The following MYO18B variants were observed in gnomAD, a reference collection of about 807,000 sequenced individuals.
MYO18B encodes the protein unconventional myosin-XVIIIb.
Under a neutral mutation model 273.0 loss-of-function variants are expected in MYO18B, and 204 were observed. The ratio of observed to expected loss-of-function variants is 0.75; its 90% CI spans 0.67 to 0.84. MYO18B has a LOEUF of 0.84. MYO18B is among the 40% of genes least tolerant of loss of function. The pLI, the probability that MYO18B is intolerant of heterozygous loss-of-function variation, is 0.00. For synonymous variants in MYO18B, 1,330 were observed against 1,305.7 expected, an observed-to-expected ratio of 1.02 and a Z score of -0.40; for missense variants, 3,212 against 3,287.6, an observed-to-expected ratio of 0.98 and a Z score of 0.56.
the MYO18B span, among the ~76,000 whole-genome samples, chr22:26,042,495 T>C: frequency 3.3e-5 from 5 of 152,236 alleles, no homozygotes; most frequent in Non-Finnish European, 5.9e-5. Context: ...ATTTACATCT[T>C]CTTTTCTAAA....
At chr22:25,820,696 A>C (rs1236819402) in intron 12 of MYO18B, among the ~76,000 whole-genome samples, 1 of 152,108 alleles carries the variant, frequency 6.6e-6, no homozygotes, top group East Asian at 1.9e-4. Flanking sequence ...TCCTCCTTCT[A>C]GCTATTTGAA....
intron 40 of MYO18B, among the ~76,000 whole-genome samples, chr22:25,994,033 A>C (rs2146859206): frequency 6.6e-6 from 1 of 152,222 alleles, no homozygotes; most frequent in Admixed American, 6.5e-5. Context: ...CCATACACCT[A>C]ATTTTAGAAT....
chr22:25,753,192 T>G (rs1269233857), intron 1 of MYO18B, among the ~76,000 whole-genome samples: 1 of 151,612 alleles, frequency 6.6e-6, no homozygotes, highest in African/African-American at 2.4e-5. Context: ...CAGCGCAAGA[T>G]CCACAAGGCG....
intron 31 of MYO18B, 83 bp from the exon 32 acceptor site, chr22:25,908,239 C>A: frequency 2.8e-6 from 3 of 1,074,786 alleles, no homozygotes; most frequent in South Asian, 1.4e-5. Context: ...ATGAGAAATG[C>A]AATTGGAATG....
intron 21 of MYO18B, among the ~76,000 whole-genome samples, chr22:25,866,961 G>T (rs566498268): frequency 2.6e-5 from 4 of 152,206 alleles, no homozygotes; most frequent in African/African-American, 9.6e-5. Flanking sequence ...GCATAGAGCG[G>T]GGAGGCTATC....
chr22:25,891,889 G>A (rs909543371), intron 27 of MYO18B, among the ~76,000 whole-genome samples: 2 of 152,100 alleles, frequency 1.3e-5, no homozygotes, highest in Non-Finnish European at 2.9e-5. Flanking sequence ...TTAGCCTGGT[G>A]TGGTGGCATG....
chr22:25,868,271 A>G (rs1431721241), intron 21 of MYO18B, 49 bp from the exon 22 acceptor site: 1 of 1,503,450 alleles, frequency 6.7e-7, no homozygotes, highest in East Asian at 2.4e-5. Context: ...CCCCTTTAGG[A>G]TCCTCCTACC....
intron 40 of MYO18B, among the ~76,000 whole-genome samples, chr22:26,000,073 C>G (rs1406111529): frequency 1.3e-5 from 2 of 152,246 alleles, no homozygotes; most frequent in Non-Finnish European, 2.9e-5. Flanking sequence ...GACAGGTCAT[C>G]TGCCCTTTGG....
intron 12 of MYO18B, among the ~76,000 whole-genome samples, chr22:25,809,733 C>T (rs2088650134): frequency 6.6e-6 from 1 of 152,094 alleles, no homozygotes; most frequent in South Asian, 2.1e-4. Flanking sequence ...CAGTCCCACA[C>T]AGAACTGGGA....
At chr22:25,810,315 G>C (rs1276886576) in intron 12 of MYO18B, among the ~76,000 whole-genome samples, 1 of 150,350 alleles carries the variant, frequency 6.7e-6, no homozygotes, top group Non-Finnish European at 1.5e-5. Flanking sequence ...AGCCAGGATG[G>C]TCTCGAGCTC....
chr22:25,862,378 A>T (rs887149087), intron 21 of MYO18B, among the ~76,000 whole-genome samples: 1 of 152,102 alleles, frequency 6.6e-6, no homozygotes, highest in Admixed American at 6.5e-5. Context: ...AAAAATGAAG[A>T]TTTTTACATT....
At chr22:25,747,126 A>C (rs1052273749) in intron 1 of MYO18B, among the ~76,000 whole-genome samples, 1 of 152,178 alleles carries the variant, frequency 6.6e-6, no homozygotes, top group Non-Finnish European at 1.5e-5. Flanking sequence ...CGCTTCAAAA[A>C]AAGAAAGAAA....
chr22:26,035,333 C>G (rs975518021), downstream of MYO18B, among the ~76,000 whole-genome samples: 1 of 152,194 alleles, frequency 6.6e-6, no homozygotes, highest in African/African-American at 2.4e-5. Context: ...GGAATTCCCC[C>G]AGATTGAGAG....
At chr22:25,916,175 A>G (rs1324900950) in intron 33 of MYO18B, among the ~76,000 whole-genome samples, 2 of 152,164 alleles carry the variant, frequency 1.3e-5, no homozygotes, top group South Asian at 2.1e-4. Context: ...ATTCTACTGT[A>G]TCAGATTATT....
chr22:25,970,058 C>G (rs1014398846), intron 39 of MYO18B, among the ~76,000 whole-genome samples: 9 of 152,066 alleles, frequency 5.9e-5, no homozygotes, highest in African/African-American at 1.9e-4. Context: ...TTACCACAAC[C>G]ATTACCATCA....
In MYO18B at chr22:25,798,023, CAGAG is replaced by C. The variant is rs749808409; in HGVS notation, c.2450_2453del (p.Glu817AlafsTer30). 2 of 1,613,730 alleles carry C rather than the reference CAGAG, an allele frequency of 1.2e-6. No individual in the cohort carries two copies. Among genetic ancestry groups the C allele is most frequent in the Non-Finnish European group, 1.7e-6 (2 of 1,179,650 alleles). Reference sequence around the variant, plus strand: ...GGTGCCATGGAGATGCTCGGCATCTCAGAGAGCGAGCAGCGGGCTGTTTGGCGGG... The same window carrying C: ...GGTGCCATGGAGATGCTCGGCATCTCAGCGAGCAGCGGGCTGTTTGGCGGG... On this transcript the variant is annotated frameshift_variant, in exon 12 of 44. Transcript: ENST00000335473. LOFTEE classifies it high-confidence loss of function.
At chr22:26,032,517 GTTTTTTTTT>G (rs869157490), downstream of MYO18B, among the ~76,000 whole-genome samples, 1 of 117,610 alleles carries the variant, frequency 8.5e-6, no homozygotes, top group African/African-American at 3.4e-5. Flanking sequence ...TAATCACCCT[GTTTTTTTTT>G]TTTTTTTTTT....
chr22:25,829,118 C>A (rs983313785), intron 15 of MYO18B, 150 bp downstream of exon 15: 7 of 880,432 alleles, frequency 8.0e-6, no homozygotes, highest in Non-Finnish European at 1.2e-5. Context: ...AGGCCTGGCT[C>A]CCCAGACCTC....
intron 36 of MYO18B, among the ~76,000 whole-genome samples, chr22:25,948,484 T>TTCC (rs2092750205): frequency 2.0e-5 from 2 of 98,590 alleles, no homozygotes; most frequent in African/African-American, 7.4e-5. Flanking sequence ...CTTTCTTTCT[T>TTCC]TCTCTTTCTT....
Sources: allele counts gnomAD v4.1 joint callset (sites outside exome capture counted in the v4.1 genomes callset), GRCh38; gene constraint gnomAD v4.1.1; transcripts MANE v1.5; gene names NCBI Gene and HGNC (gene_info 2026-07-23, HGNC 2026-07-21).